Variants in EPS15 observed in about 807,000 individuals in gnomAD.
EPS15 encodes the protein epidermal growth factor receptor substrate 15.
A neutral mutation model predicts 113.8 loss-of-function variants in EPS15; 72 were observed. That is an observed-to-expected ratio of 0.63 (90% CI 0.52 to 0.77). The LOEUF (loss-of-function observed/expected upper bound fraction) is 0.77. Among genes scored for constraint, EPS15 ranks in the 30% least tolerant of loss-of-function variants. EPS15 has a pLI of 0.00. For synonymous variants in EPS15, 344 were observed against 363.4 expected (o/e 0.95, Z 0.61); for missense variants, 1,048 against 1,045.8 (o/e 1.00, Z -0.03).
intron 6 of EPS15, among the ~76,000 whole-genome samples, chr1:51,464,349 C>T (rs1654694878): frequency 6.6e-6 from 1 of 151,450 alleles, no homozygotes; most frequent in African/African-American, 2.4e-5. Context: ...AAGCGATTCT[C>T]CTGCCTCAGC....
At chr1:51,492,231 CAGAT>C (rs1644247572) in intron 1 of EPS15, among the ~76,000 whole-genome samples, 1 of 152,142 alleles carries the variant, frequency 6.6e-6, no homozygotes, top group South Asian at 2.1e-4. Context: ...TTAAAATAAT[CAGAT>C]AGGGCTCCTG....
At chr1:51,398,725 T>G (rs1648218383) in intron 20 of EPS15, among the ~76,000 whole-genome samples, 1 of 152,250 alleles carries the variant, frequency 6.6e-6, no homozygotes, top group Non-Finnish European at 1.5e-5. Flanking sequence ...AGAAAAGTTT[T>G]ATGTAAGATT....
At chr1:51,496,463 T>A (rs1038131876) in intron 1 of EPS15, among the ~76,000 whole-genome samples, 2 of 152,196 alleles carry the variant, frequency 1.3e-5, no homozygotes, top group African/African-American at 2.4e-5. Context: ...ACAAAAGCAT[T>A]ACCAAAATGA....
chr1:51,370,769 T>G (rs992975044), intron 21 of EPS15, among the ~76,000 whole-genome samples: 1 of 151,998 alleles, frequency 6.6e-6, no homozygotes, highest in Non-Finnish European at 1.5e-5. Context: ...TATAGGCACG[T>G]ACCACCATGC....
intron 4 of EPS15, among the ~76,000 whole-genome samples, chr1:51,469,821 T>A (rs1655113731): frequency 6.6e-6 from 1 of 151,990 alleles, no homozygotes; most frequent in Non-Finnish European, 1.5e-5. Context: ...CTAGAAAAAC[T>A]ACCGCCTATG....
intron 2 of EPS15, among the ~76,000 whole-genome samples, chr1:51,475,364 C>A (rs147535109): frequency 6.6e-6 from 1 of 152,108 alleles, no homozygotes; most frequent in African/African-American, 2.4e-5. Flanking sequence ...TTTTAATGAT[C>A]GCCATTCTAA....
chr1:51,431,010 ACACACACACACACAC>A (rs1651679734), intron 12 of EPS15, among the ~76,000 whole-genome samples: 2 of 149,540 alleles, frequency 1.3e-5, no homozygotes, highest in Non-Finnish European at 3.0e-5. Flanking sequence ...ACACACACAC[ACACACACACACACAC>A]ACAAAAATAA....
chr1:51,519,139 A>T, intron 1 of EPS15, 60 bp downstream of exon 1: 1 of 1,238,112 alleles, frequency 8.1e-7, no homozygotes, highest in East Asian at 3.0e-5. Context: ...GGCGAAGCTG[A>T]GGGCGGTGGG....
intron 1 of EPS15, among the ~76,000 whole-genome samples, chr1:51,511,780 C>CA: frequency 6.6e-6 from 1 of 152,142 alleles, no homozygotes; most frequent in East Asian, 1.9e-4. Context: ...CGTCTTCCTC[C>CA]AAAAAATATG....
intron 12 of EPS15, among the ~76,000 whole-genome samples, chr1:51,440,106 A>G (rs1037356554): frequency 6.6e-6 from 1 of 152,098 alleles, no homozygotes; most frequent in Non-Finnish European, 1.5e-5. Context: ...GTGGTACATA[A>G]GTAAACAGTG....
chr1:51,465,242 AG>A lies in EPS15; in HGVS notation c.375+18del, dbSNP rs1654762137. ...GGAAGCAATGAAGGGGTGAGAGAAT[AG>A]TTACAAAGTTTACTTACTTTTACAG... On this transcript the variant is annotated intron_variant, in intron 6 of 24. Coordinates refer to ENST00000371733, the MANE Select transcript of EPS15 (RefSeq NM_001981.3). 1 of 1,534,688 alleles carries A rather than the reference AG, an allele frequency of 6.5e-7. No individual in the cohort carries two copies. The highest frequency in any genetic ancestry group is 1.4e-5 in the African/African-American group (1 of 73,078).
chr1:51,511,518 AAAAT>A (rs1448747717), intron 1 of EPS15, among the ~76,000 whole-genome samples: 2 of 152,210 alleles, frequency 1.3e-5, no homozygotes, highest in African/African-American at 2.4e-5. Flanking sequence ...CTTTAAAATA[AAAAT>A]AAATAAATAA....
intron 21 of EPS15, among the ~76,000 whole-genome samples, chr1:51,373,810 G>A (rs183824603): frequency 6.6e-6 from 1 of 152,238 alleles, no homozygotes; most frequent in East Asian, 1.9e-4. Context: ...AATTAGCCAG[G>A]CGTGGTGGTG....
chr1:51,508,328 A>AAGAGAGAAAG (rs1348988023), intron 1 of EPS15, among the ~76,000 whole-genome samples: 1 of 85,354 alleles, frequency 1.2e-5, no homozygotes, highest in East Asian at 3.3e-4. Context: ...GAAAGAGAGA[A>AAGAGAGAAAG]AGAGAAAGAG....
At chr1:51,460,527 A>G (rs947016085) in intron 8 of EPS15, among the ~76,000 whole-genome samples, 14 of 152,238 alleles carry the variant, frequency 9.2e-5, no homozygotes, top group African/African-American at 3.4e-4. Context: ...TTGTGATACA[A>G]AAGATACTAT....
intron 8 of EPS15, among the ~76,000 whole-genome samples, chr1:51,455,554 T>C (rs1653932523): frequency 6.6e-6 from 1 of 151,328 alleles, no homozygotes; most frequent in South Asian, 2.1e-4. Context: ...CACACTACCA[T>C]ACTCCAGCCT....
intron 21 of EPS15, among the ~76,000 whole-genome samples, chr1:51,369,429 G>A (rs1309577001): frequency 2.0e-5 from 3 of 152,090 alleles, no homozygotes; most frequent in Non-Finnish European, 4.4e-5. Context: ...TCTTCCTCTT[G>A]GTGTACACAG....
At chr1:51,485,990 G>C (rs1420374278) in intron 1 of EPS15, among the ~76,000 whole-genome samples, 1 of 151,850 alleles carries the variant, frequency 6.6e-6, no homozygotes, top group African/African-American at 2.4e-5. Flanking sequence ...TAGAGATGGG[G>C]TTTCGCCATG....
intron 1 of EPS15, among the ~76,000 whole-genome samples, chr1:51,488,462 TAA>T (rs1490155452): frequency 2.3e-5 from 1 of 43,516 alleles, no homozygotes; most frequent in Non-Finnish European, 4.9e-5. Flanking sequence ...AGAAAGCCAA[TAA>T]AGTTTTGTAA....
Sources: allele counts gnomAD v4.1 joint callset (sites outside exome capture counted in the v4.1 genomes callset), GRCh38; gene constraint gnomAD v4.1.1; transcripts MANE v1.5; gene names NCBI Gene and HGNC (gene_info 2026-07-23, HGNC 2026-07-21).